NEGR1: variants seen among roughly 807,000 people sequenced by gnomAD.
The protein encoded by NEGR1 is IgLON family member 4.
A neutral mutation model predicts 40.9 loss-of-function variants in NEGR1; 10 were observed. The ratio of observed to expected loss-of-function variants is 0.24; its 90% CI spans 0.15 to 0.42. NEGR1 has a LOEUF of 0.42. Among genes scored for constraint, NEGR1 ranks in the 10% least tolerant of loss-of-function variants. The probability of loss-of-function intolerance (pLI) is 1.00; values close to 1 mark genes in which losing one functional copy is unlikely to be tolerated. For missense variants in NEGR1, 352 were observed against 438.9 expected (o/e 0.80, Z 1.77); for synonymous variants, 185 against 166.8 (o/e 1.11, Z -0.84).
At chr1:72,082,612 A>G (rs1648048941) in intron 1 of NEGR1, among the ~76,000 whole-genome samples, 1 of 151,994 alleles carries the variant, frequency 6.6e-6, no homozygotes, top group South Asian at 2.1e-4. Flanking sequence ...TTTTCCCTGG[A>G]TTATTCACTG....
intron 6 of NEGR1, among the ~76,000 whole-genome samples, chr1:71,416,221 C>T (rs372970054): frequency 3.9e-5 from 6 of 152,202 alleles, no homozygotes; most frequent in African/African-American, 1.4e-4. Flanking sequence ...TGATCTTATA[C>T]ATGTGGGTAT....
chr1:71,456,256 T>A lies in NEGR1; in HGVS notation c.941-48686A>T, dbSNP rs540728582. On this transcript the variant is annotated intron_variant, in intron 6 of 6. Transcript: ENST00000357731. ...GTTACAGTAAGGGCACTTTAAAAAA[T>A]TTTTTTATGTATTTATTTATTTGTT... Among the ~76,000 whole-genome samples the A allele has an allele frequency of 6.2e-3, 947 of 152,208 alleles. 9 individuals are homozygous for A. Among genetic ancestry groups the A allele is most frequent in the African/African-American group, 0.021 (866 of 41,530 alleles).
intron 6 of NEGR1, among the ~76,000 whole-genome samples, chr1:71,473,621 G>A (rs1646797998): frequency 6.6e-6 from 1 of 152,008 alleles, no homozygotes; most frequent in Non-Finnish European, 1.5e-5. Flanking sequence ...TACAGATAGG[G>A]AGTTTTTATT....
chr1:71,734,720 A>T (rs1436563999), intron 3 of NEGR1, among the ~76,000 whole-genome samples: 1 of 152,052 alleles, frequency 6.6e-6, no homozygotes, highest in African/African-American at 2.4e-5. Flanking sequence ...TACTCCTATA[A>T]TCTGACTCTT....
At chr1:72,035,551 A>G (rs1646894968) in intron 1 of NEGR1, among the ~76,000 whole-genome samples, 1 of 152,182 alleles carries the variant, frequency 6.6e-6, no homozygotes, top group Non-Finnish European at 1.5e-5. Context: ...TTGTGTCTAG[A>G]GTTATTTCTA....
At chr1:71,764,720 G>T (rs2101704370) in intron 3 of NEGR1, among the ~76,000 whole-genome samples, 1 of 152,266 alleles carries the variant, frequency 6.6e-6, no homozygotes, top group Non-Finnish European at 1.5e-5. Flanking sequence ...CATAAAAGCT[G>T]ATCCTCTTAC....
intron 6 of NEGR1, among the ~76,000 whole-genome samples, chr1:71,451,131 A>G (rs1398866377): frequency 6.6e-6 from 1 of 152,202 alleles, no homozygotes; most frequent in Non-Finnish European, 1.5e-5. Flanking sequence ...TCCCCGTCCC[A>G]GAGTACTTGG....
chr1:72,132,105 A>G (rs896977597), intron 1 of NEGR1, among the ~76,000 whole-genome samples: 5 of 152,170 alleles, frequency 3.3e-5, no homozygotes, highest in Non-Finnish European at 7.3e-5. Context: ...TCTCAAAACA[A>G]TAAAATAAAA....
chr1:71,944,329 C>G (rs1645998625), intron 1 of NEGR1, among the ~76,000 whole-genome samples: 2 of 152,100 alleles, frequency 1.3e-5, no homozygotes, highest in African/African-American at 2.4e-5. Context: ...GCAATCAGAT[C>G]CAGAGAAATG....
chr1:72,281,580 C>T (rs142008864), intron 1 of NEGR1, among the ~76,000 whole-genome samples: 62 of 147,194 alleles, frequency 4.2e-4, no homozygotes, highest in South Asian at 4.1e-3. Flanking sequence ...AGGATAGGGA[C>T]ATTAAGGAGG....
chr1:71,706,906 A>G (rs1025935138), intron 3 of NEGR1, among the ~76,000 whole-genome samples: 1 of 151,978 alleles, frequency 6.6e-6, no homozygotes, highest in Admixed American at 6.6e-5. Flanking sequence ...TTCAAGTGAG[A>G]CTCAGTACAT....
At chr1:72,048,598 G>T (rs1647025071) in intron 1 of NEGR1, among the ~76,000 whole-genome samples, 1 of 151,406 alleles carries the variant, frequency 6.6e-6, no homozygotes, top group Non-Finnish European at 1.5e-5. Flanking sequence ...GAGTGGGTGG[G>T]GACAGGAACA....
At chr1:71,872,056 T>C (rs1435367502) in intron 2 of NEGR1, among the ~76,000 whole-genome samples, 1 of 152,100 alleles carries the variant, frequency 6.6e-6, no homozygotes, top group Non-Finnish European at 1.5e-5. Flanking sequence ...AATAATACAA[T>C]GGAATAAAAA....
intron 1 of NEGR1, among the ~76,000 whole-genome samples, chr1:72,262,798 C>T (rs1012302147): frequency 2.0e-5 from 3 of 151,688 alleles, no homozygotes; most frequent in African/African-American, 7.3e-5. Context: ...AAAGCAATCT[C>T]TTATAAAAAA....
At chr1:72,115,932 G>C (rs1649563704) in intron 1 of NEGR1, among the ~76,000 whole-genome samples, 1 of 151,750 alleles carries the variant, frequency 6.6e-6, no homozygotes, top group African/African-American at 2.4e-5. Flanking sequence ...ACCAGAAATA[G>C]GAGTTGACTT....
chr1:71,874,368 A>T (rs1209143361), intron 2 of NEGR1, among the ~76,000 whole-genome samples: 1 of 152,174 alleles, frequency 6.6e-6, no homozygotes, highest in Non-Finnish European at 1.5e-5. Flanking sequence ...ATAAAAATGC[A>T]TTCTTATTTT....
chr1:71,701,790 A>T (rs548342025), intron 3 of NEGR1, among the ~76,000 whole-genome samples: 2 of 152,248 alleles, frequency 1.3e-5, no homozygotes, highest in East Asian at 3.9e-4. Flanking sequence ...AAAGAAAGAC[A>T]CGTGGTATAA....
chr1:71,953,728 C>T (rs1570548279), intron 1 of NEGR1, among the ~76,000 whole-genome samples: 1 of 151,910 alleles, frequency 6.6e-6, no homozygotes, highest in East Asian at 1.9e-4. Flanking sequence ...ACCACTCTGA[C>T]CAGTCAGTAA....
chr1:71,798,100 C>T (rs1281749213), intron 2 of NEGR1: 1 of 152,032 alleles, frequency 6.6e-6, no homozygotes, highest in African/African-American at 2.4e-5. Flanking sequence ...ACTCTCTCCT[C>T]ATACAAGATA....
Sources: gnomAD v4.1 joint callset for allele counts (sites outside exome capture counted in the v4.1 genomes callset) on GRCh38, gnomAD v4.1.1 for gene constraint, MANE v1.5 for transcripts, NCBI Gene and HGNC (gene_info 2026-07-23, HGNC 2026-07-21) for gene names.